FOXN2: variants seen among roughly 807,000 people sequenced by gnomAD.
FOXN2 encodes the protein forkhead box protein N2.
In FOXN2, 19 loss-of-function variants were observed where a neutral mutation model predicts 41.2. The ratio of observed to expected loss-of-function variants is 0.46; its 90% confidence interval spans 0.32 to 0.68. The LOEUF (loss-of-function observed/expected upper bound fraction) is 0.68. FOXN2 is among the 30% of genes least tolerant of loss of function. The pLI, the probability that FOXN2 is intolerant of heterozygous loss-of-function variation, is 0.03. For missense variants in FOXN2, 587 were observed against 509.4 expected, an observed-to-expected ratio of 1.15 and a Z score of -1.47; for synonymous variants, 195 against 176.8, an observed-to-expected ratio of 1.10 and a Z score of -0.82.
At position 48,366,104 on chromosome 2, in the gene FOXN2, C is replaced by G. The variant is rs555559870; in HGVS notation, c.703+3397C>G. Reference sequence around the variant, plus strand: ...GGGCACAGTGGCTCACGCCTATAATCCCAGCACTTTGGGAGGCCGAGGTAG... The same window carrying G: ...GGGCACAGTGGCTCACGCCTATAATGCCAGCACTTTGGGAGGCCGAGGTAG... On this transcript the variant is annotated intron_variant, in intron 5 of 6. Transcript: ENST00000340553. 4.6e-5 allele frequency among the ~76,000 whole-genome samples: 7 copies of G among 152,272 alleles called. No homozygotes were observed. In the South Asian group the frequency reaches 1.0e-3, roughly 23 times the overall value.
At chr2:48,348,827 C>G (rs937003413) in intron 3 of FOXN2, among the ~76,000 whole-genome samples, 1 of 152,240 alleles carries the variant, frequency 6.6e-6, no homozygotes, top group Non-Finnish European at 1.5e-5. Context: ...ACAACTTCAT[C>G]TTCTAGCTTG....
At chr2:48,352,328 C>T (rs907383795) in intron 3 of FOXN2, among the ~76,000 whole-genome samples, 4 of 152,160 alleles carry the variant, frequency 2.6e-5, no homozygotes, top group African/African-American at 7.2e-5. Context: ...CTGTCTTACT[C>T]AACCTAAAAC....
chr2:48,321,378 C>CA (rs1669305549), intron 1 of FOXN2, among the ~76,000 whole-genome samples: 1 of 151,706 alleles, frequency 6.6e-6, no homozygotes, highest in Non-Finnish European at 1.5e-5. Flanking sequence ...ACTAAAAATA[C>CA]AAAAAAAATT....
At position 48,346,204 on chromosome 2, in the gene FOXN2, T is replaced by G; in HGVS notation, c.-11T>G. ...ATAATTGTTTCCTTTGTTGCAGAACTGTAAGAGTAAATGGGTCCAGTAATT... is the reference window on the plus strand; with the variant it reads ...ATAATTGTTTCCTTTGTTGCAGAACGGTAAGAGTAAATGGGTCCAGTAATT... On this transcript the variant is annotated 5_prime_UTR_variant, in exon 3 of 7. Coordinates refer to ENST00000340553, the MANE Select transcript of FOXN2 (RefSeq NM_002158.4). 6.3e-7 allele frequency: 1 copy of G among 1,582,978 alleles called. No individual in the cohort carries two copies. Among genetic ancestry groups the G allele is most frequent in the Non-Finnish European group, 8.6e-7 (1 of 1,167,144 alleles).
intron 4 of FOXN2, among the ~76,000 whole-genome samples, chr2:48,360,077 C>G (rs1672073733): frequency 6.6e-6 from 1 of 151,908 alleles, no homozygotes; most frequent in South Asian, 2.1e-4. Flanking sequence ...ACTGTATTTG[C>G]TTATAATTTT....
intron 2 of FOXN2, among the ~76,000 whole-genome samples, chr2:48,330,648 T>G (rs1473397676): frequency 6.6e-6 from 1 of 152,152 alleles, no homozygotes; most frequent in Non-Finnish European, 1.5e-5. Flanking sequence ...GTGAAATTGC[T>G]TGATTTGCTG....
chr2:48,376,054 T>G lies in FOXN2; in HGVS notation c.*611T>G, dbSNP rs1040137693. 5 of 152,352 alleles carry G rather than the reference T, an allele frequency of 3.3e-5. No homozygotes were observed. Among genetic ancestry groups the G allele is most frequent in the Admixed American group, 2.6e-4 (4 of 15,290 alleles). 9.4% of individuals were successfully genotyped at this position (152,352 alleles called of 1,614,324 possible). A position where few individuals can be genotyped will look rare whatever the true frequency, so the allele number is the denominator to read the frequency against. Reference sequence around the variant, plus strand: ...AGAATACAACAAAGAGTTCTAAGACTTAGAAAAGACAATTTTGTGGTGTCA... The same window carrying G: ...AGAATACAACAAAGAGTTCTAAGACGTAGAAAAGACAATTTTGTGGTGTCA... On this transcript the variant is annotated 3_prime_UTR_variant, in exon 7 of 7. Coordinates refer to ENST00000340553, the MANE Select transcript of FOXN2 (RefSeq NM_002158.4).
intron 2 of FOXN2, among the ~76,000 whole-genome samples, chr2:48,329,295 A>G (rs532172850): frequency 1.2e-4 from 19 of 152,322 alleles, no homozygotes; most frequent in African/African-American, 3.8e-4. Flanking sequence ...ATGGTTTACA[A>G]ATTGAATCTG....
At position 48,376,975 on chromosome 2, in the gene FOXN2, A is replaced by C. The variant is rs1254908806; in HGVS notation, c.*1532A>C. On this transcript the variant is annotated 3_prime_UTR_variant, in exon 7 of 7. Coordinates refer to ENST00000340553, the MANE Select transcript of FOXN2 (RefSeq NM_002158.4). Reference sequence around the variant, plus strand: ...ATTATAAAGCATTTTTTAAGAGACAAATTTTAACTTTTAATTTTTATTTTG... The same window carrying C: ...ATTATAAAGCATTTTTTAAGAGACACATTTTAACTTTTAATTTTTATTTTG... 6.6e-6 allele frequency: 1 copy of C among 152,254 alleles called. No individual in the cohort carries two copies. The highest frequency in any genetic ancestry group is 1.5e-5 in the Non-Finnish European group (1 of 67,914). The allele number at this position is 152,254 out of a possible 1,614,324, so 9.4% of individuals were successfully genotyped here.
At chr2:48,347,377 G>A (rs1252590938) in intron 3 of FOXN2, among the ~76,000 whole-genome samples, 1 of 151,678 alleles carries the variant, frequency 6.6e-6, no homozygotes, top group Non-Finnish European at 1.5e-5. Flanking sequence ...ACAGGTGTGT[G>A]CCACCACGCC....
intron 2 of FOXN2, among the ~76,000 whole-genome samples, chr2:48,334,351 A>G (rs1670200670): frequency 6.6e-6 from 1 of 152,180 alleles, no homozygotes; most frequent in Non-Finnish European, 1.5e-5. Flanking sequence ...CATTGTCATA[A>G]TGACAACTCT....
intron 4 of FOXN2, among the ~76,000 whole-genome samples, chr2:48,361,953 T>TA (rs1386037171): frequency 6.6e-6 from 1 of 152,232 alleles, no homozygotes; most frequent in East Asian, 1.9e-4. Flanking sequence ...ATATCAAACT[T>TA]AAGAATCCAA....
intron 3 of FOXN2, among the ~76,000 whole-genome samples, chr2:48,351,898 AG>A: frequency 6.6e-6 from 1 of 152,316 alleles, no homozygotes; most frequent in Admixed American, 6.5e-5. Flanking sequence ...AGGTTTTAGA[AG>A]GGTAACATAT....
intron 3 of FOXN2, among the ~76,000 whole-genome samples, chr2:48,357,262 A>T (rs1671855633): frequency 6.6e-6 from 1 of 152,192 alleles, no homozygotes; most frequent in Admixed American, 6.5e-5. Context: ...TTTCAAGGAA[A>T]TAGCAACTCT....
intron 4 of FOXN2, among the ~76,000 whole-genome samples, chr2:48,362,084 TGAA>T (rs1672229868): frequency 1.3e-5 from 2 of 152,212 alleles, no homozygotes; most frequent in African/African-American, 2.4e-5. Context: ...ATTTTACAGA[TGAA>T]GAAGCTAAGA....
chr2:48,324,403 A>G (rs571178448), intron 1 of FOXN2, among the ~76,000 whole-genome samples: 179 of 152,288 alleles, frequency 1.2e-3, no homozygotes, highest in Non-Finnish European at 2.0e-3. Context: ...CATTTTGGCC[A>G]GGCAGGTCTC....
intron 5 of FOXN2, among the ~76,000 whole-genome samples, chr2:48,368,360 A>G (rs1211957043): frequency 6.6e-6 from 1 of 152,190 alleles, no homozygotes; most frequent in Non-Finnish European, 1.5e-5. Flanking sequence ...CAATAAACAA[A>G]TGAGTCTTCA....
intron 3 of FOXN2, among the ~76,000 whole-genome samples, chr2:48,351,106 A>G (rs544611035): frequency 1.1e-3 from 167 of 151,994 alleles, no homozygotes; most frequent in African/African-American, 3.8e-3. Flanking sequence ...GACTGTAGGC[A>G]TGTACCACCA....
chr2:48,352,960 G>A (rs1671550062), intron 3 of FOXN2, among the ~76,000 whole-genome samples: 1 of 151,880 alleles, frequency 6.6e-6, no homozygotes, highest in Non-Finnish European at 1.5e-5. Flanking sequence ...CCATAACATT[G>A]GCCTTAGTTC....
Sources: allele counts gnomAD v4.1 joint callset (sites outside exome capture counted in the v4.1 genomes callset), GRCh38; gene constraint gnomAD v4.1.1; transcripts MANE v1.5; gene names NCBI Gene and HGNC (gene_info 2026-07-23, HGNC 2026-07-21).